The following PCSK6 variants were observed in gnomAD, a reference collection of about 807,000 sequenced individuals.
The protein encoded by PCSK6 is paired basic amino acid cleaving enzyme 4.
A neutral mutation model predicts 123.3 loss-of-function variants in PCSK6; 85 were observed. The observed-to-expected ratio is 0.69, with a 90% CI of 0.58 to 0.83. The LOEUF (loss-of-function observed/expected upper bound fraction) is 0.83. Among genes scored for constraint, PCSK6 ranks in the 40% least tolerant of loss-of-function variants. The probability of loss-of-function intolerance (pLI) is 0.00; values close to 1 mark genes in which losing one functional copy is unlikely to be tolerated. For missense variants in PCSK6, 1,191 were observed against 1,282.3 expected (o/e 0.93, Z 1.09); for synonymous variants, 508 against 516.0 (o/e 0.98, Z 0.21).
rs147405485 is a variant in PCSK6 at position 101,450,851 on chromosome 15, C to A, written c.298-7191G>T. 4.6e-5 allele frequency among the ~76,000 whole-genome samples: 7 copies of A among 152,230 alleles called. No individual in the cohort carries two copies. The East Asian group carries it at 1.2e-3, about 25-fold the overall frequency. On this transcript the variant is annotated intron_variant, in intron 1 of 21. Transcript: ENST00000611716. ...CCACCTCCCGGCTGTATGGTCTGGG[C>A]AAGACCCCCACTGGCCTCTCTGGTC...
chr15:101,485,606 G>A (rs1041396624), intron 1 of PCSK6, among the ~76,000 whole-genome samples: 12 of 152,138 alleles, frequency 7.9e-5, no homozygotes, highest in Non-Finnish European at 1.3e-4. Flanking sequence ...TCCATGGGGA[G>A]AGCCTGTTCT....
At chr15:101,329,902 A>G (rs2040338329) in intron 15 of PCSK6, among the ~76,000 whole-genome samples, 1 of 152,114 alleles carries the variant, frequency 6.6e-6, no homozygotes, top group Non-Finnish European at 1.5e-5. Context: ...ATTATCTGCC[A>G]GCTCCCTAAG....
rs146935017 is a variant in PCSK6, at chr15:101,444,431, A to G, written c.298-771T>C. Among the ~76,000 whole-genome samples the G allele has an allele frequency of 5.7e-3, 869 of 152,284 alleles. 8 individuals carry two copies. Among genetic ancestry groups the G allele is most frequent in the Middle Eastern group, 0.014 (4 of 294 alleles). On this transcript the variant is annotated intron_variant, in intron 1 of 21. Coordinates refer to ENST00000611716, the MANE Select transcript of PCSK6 (RefSeq NM_002570.5). ...AAGGGCTAGTTGATCACCATCCTCC[A>G]AAAAGGATTTTAAAATCAAGATGGA...
At chr15:101,404,924 G>A (rs183833695) in intron 6 of PCSK6, among the ~76,000 whole-genome samples, 325 of 152,232 alleles carry the variant, frequency 2.1e-3, no homozygotes, top group African/African-American at 6.0e-3. Flanking sequence ...CAAGAAGAAC[G>A]GGATGCCAGA....
intron 13 of PCSK6, among the ~76,000 whole-genome samples, chr15:101,349,631 A>G (rs1392730841): frequency 6.6e-6 from 1 of 152,058 alleles, no homozygotes; most frequent in East Asian, 1.9e-4. Flanking sequence ...TTCTGTGACA[A>G]CCTACACAGG....
Position 101,428,036 on chromosome 15 carries a change from C to T in PCSK6, c.735-56G>A, listed in dbSNP as rs2056318986. ...GCAGCCCAGCAAGTTTCAGTGAATTCAGTGCCTGGCTCAGTTCAATGCAAC... is the reference window on the plus strand; with the variant it reads ...GCAGCCCAGCAAGTTTCAGTGAATTTAGTGCCTGGCTCAGTTCAATGCAAC... On this transcript the variant is annotated intron_variant, in intron 5 of 21. Transcript: ENST00000611716. The T allele has an allele frequency of 2.9e-6, 4 of 1,371,732 alleles. No individual in the cohort carries two copies. The Admixed American group carries it at 5.9e-5, about 20-fold the overall frequency. The allele number at this position is 1,371,732 out of a possible 1,614,324, so 85.0% of individuals were successfully genotyped here. A position where few individuals can be genotyped will look rare whatever the true frequency, so the allele number is the denominator to read the frequency against.
chr15:101,451,820 T>C (rs765388778), intron 1 of PCSK6, among the ~76,000 whole-genome samples: 6 of 152,198 alleles, frequency 3.9e-5, no homozygotes, highest in Admixed American at 1.3e-4. Flanking sequence ...TATAAAAACC[T>C]ACACACCAAA....
chr15:101,394,591 CCAAA>C lies in PCSK6; in HGVS notation c.997-1171_997-1168del, dbSNP rs547716660. 2.6e-3 allele frequency among the ~76,000 whole-genome samples: 398 copies of C among 152,254 alleles called. 2 individuals carry two copies. The highest frequency in any genetic ancestry group is 4.1e-3 in the Non-Finnish European group (278 of 68,022). The stretch of plus-strand genomic sequence containing the variant: ...ACATCCTTACTAAGGACCGTCCTTC[CCAAA>C]CAAACAGAGGAAATTTATACTTATG... On this transcript the variant is annotated intron_variant, in intron 7 of 21. Transcript: ENST00000611716.
intron 1 of PCSK6, among the ~76,000 whole-genome samples, chr15:101,482,967 T>C (rs1357586965): frequency 3.3e-5 from 5 of 152,230 alleles, no homozygotes; most frequent in Non-Finnish European, 7.3e-5. Flanking sequence ...ATTAAACTCC[T>C]GCCCACTTAA....
rs144393855 is a variant in PCSK6, at chr15:101,335,882, G to A, written c.1859-3851C>T. Reference sequence around the variant, plus strand: ...ACCTAGGCTATAGGGTACAGCCTGCGGCTCCCAGGCCACAAACCTGTGCAG... The same window carrying A: ...ACCTAGGCTATAGGGTACAGCCTGCAGCTCCCAGGCCACAAACCTGTGCAG... On this transcript the variant is annotated intron_variant, in intron 13 of 21. Transcript: ENST00000611716. Among the ~76,000 whole-genome samples the A allele has an allele frequency of 1.8e-3, 280 of 152,310 alleles. 1 individual carries two copies. The highest frequency in any genetic ancestry group is 6.4e-3 in the African/African-American group (267 of 41,572).
chr15:101,424,355 A>G (rs1296233407), intron 6 of PCSK6, among the ~76,000 whole-genome samples: 4 of 151,770 alleles, frequency 2.6e-5, no homozygotes, highest in Non-Finnish European at 5.9e-5. Flanking sequence ...AGACAACAGA[A>G]TAACACCTTT....
In PCSK6 at chr15:101,366,221, G is replaced by A; in HGVS notation, c.1833C>T (p.Ser611=). Residue 611 remains serine (S), a synonymous_variant, in exon 13 of 22, where the codon TCC becomes TCT. Coordinates refer to ENST00000611716, the MANE Select transcript of PCSK6 (RefSeq NM_002570.5). Reference sequence around the variant, plus strand: ...CTTGCTTCTCCGGGTTGCGGACCTGGGATGGCAGATCTTGGATTTCCAAGG... The same window carrying A: ...CTTGCTTCTCCGGGTTGCGGACCTGAGATGGCAGATCTTGGATTTCCAAGG... ...QWTLEIQDLP[S]QVRNPEKQGK... The A allele has an allele frequency of 6.2e-7, 1 of 1,612,964 alleles. No homozygotes were observed. The highest frequency in any genetic ancestry group is 1.1e-5 in the South Asian group (1 of 90,894).
chr15:101,405,353 A>C (rs897516428), intron 6 of PCSK6, among the ~76,000 whole-genome samples: 1 of 152,232 alleles, frequency 6.6e-6, no homozygotes, highest in Non-Finnish European at 1.5e-5. Flanking sequence ...TTCAGAGCAC[A>C]GCGTGGCACA....
chr15:101,482,615 G>C (rs765406034), intron 1 of PCSK6, among the ~76,000 whole-genome samples: 33 of 152,310 alleles, frequency 2.2e-4, no homozygotes, highest in Middle Eastern at 3.4e-3. Flanking sequence ...AGCCCTGAGT[G>C]TCCCTGTCAC....
At chr15:101,331,743 AC>A in intron 14 of PCSK6, 54 bp from the exon 15 acceptor site, 1 of 1,601,564 alleles carries the variant, frequency 6.2e-7, no homozygotes, top group Non-Finnish European at 8.5e-7. Context: ...AGAGAGACAC[AC>A]AACCATCAGC....
At chr15:101,415,507 A>G (rs2055856831) in intron 6 of PCSK6, among the ~76,000 whole-genome samples, 1 of 152,270 alleles carries the variant, frequency 6.6e-6, no homozygotes, top group Non-Finnish European at 1.5e-5. Context: ...CACTTGTGTG[A>G]GTCAAACAAA....
At chr15:101,320,214 T>C (rs752558188) in intron 18 of PCSK6, among the ~76,000 whole-genome samples, 11 of 152,144 alleles carry the variant, frequency 7.2e-5, no homozygotes, top group Non-Finnish European at 1.5e-4. Flanking sequence ...GCCTCCCGAG[T>C]AGCTGAGATT....
chr15:101,459,938 T>C (rs1243436525), intron 1 of PCSK6, among the ~76,000 whole-genome samples: 1 of 152,108 alleles, frequency 6.6e-6, no homozygotes, highest in Non-Finnish European at 1.5e-5. Flanking sequence ...CGTTACATCA[T>C]CTCTTAGATT....
In PCSK6 at chr15:101,367,619, T is replaced by C. The variant is rs564708961; in HGVS notation, c.1722-1287A>G. 3.3e-5 allele frequency among the ~76,000 whole-genome samples: 5 copies of C among 152,324 alleles called. No homozygotes were observed. In the East Asian group the frequency reaches 9.6e-4, roughly 29 times the overall value. On this transcript the variant is annotated intron_variant, in intron 12 of 21. Transcript: ENST00000611716. ...CAAGGACAAACTGTCTTTTAAGGGC[T>C]GAGGTGCTGAGGCACATCAATGGCT...
Sources: allele counts gnomAD v4.1 joint callset (sites outside exome capture counted in the v4.1 genomes callset), GRCh38; gene constraint gnomAD v4.1.1; transcripts MANE v1.5; gene names NCBI Gene and HGNC (gene_info 2026-07-23, HGNC 2026-07-21).